The following SYT14 variants were observed in gnomAD, a reference collection of about 807,000 sequenced individuals.
SYT14 encodes the protein synaptotagmin-14.
In SYT14, 32 loss-of-function variants were observed where a neutral mutation model predicts 74.2. The observed-to-expected ratio is 0.43, with a 90% CI of 0.33 to 0.58. The LOEUF (loss-of-function observed/expected upper bound fraction) is 0.58. SYT14 is among the 20% of genes least tolerant of loss of function. The pLI is 0.05. For synonymous variants in SYT14, 298 were observed against 337.7 expected, an observed-to-expected ratio of 0.88 and a Z score of 1.29; for missense variants, 791 against 981.8, an observed-to-expected ratio of 0.81 and a Z score of 2.60.
chr1:209,958,797 T>G (rs1366234192), intron 2 of SYT14, among the ~76,000 whole-genome samples: 1 of 152,214 alleles, frequency 6.6e-6, no homozygotes, highest in Non-Finnish European at 1.5e-5. Flanking sequence ...CTTTTCTAGT[T>G]ATACTTTTTA....
intron 5 of SYT14, among the ~76,000 whole-genome samples, chr1:210,077,918 G>T (rs2102468868): frequency 6.6e-6 from 1 of 152,140 alleles, no homozygotes. Flanking sequence ...GACCAGAAAA[G>T]GTTTTATACT....
At chr1:210,086,963 T>C (rs2081746244) in intron 5 of SYT14, among the ~76,000 whole-genome samples, 1 of 152,198 alleles carries the variant, frequency 6.6e-6, no homozygotes, top group Non-Finnish European at 1.5e-5. Flanking sequence ...TCTGCACACA[T>C]GTTCTCCCAT....
chr1:209,994,065 A>T (rs1258470895), intron 2 of SYT14, among the ~76,000 whole-genome samples: 4 of 152,208 alleles, frequency 2.6e-5, no homozygotes, highest in Admixed American at 6.5e-5. Flanking sequence ...AGTCAGTGCT[A>T]GAACTCTGGC....
chr1:210,011,545 C>G (rs1160991976), intron 2 of SYT14, among the ~76,000 whole-genome samples: 1 of 152,172 alleles, frequency 6.6e-6, no homozygotes, highest in Non-Finnish European at 1.5e-5. Context: ...CTCTCTGCTT[C>G]ATCTCCTACT....
At chr1:209,984,505 T>A (rs551717495) in intron 2 of SYT14, among the ~76,000 whole-genome samples, 1 of 152,366 alleles carries the variant, frequency 6.6e-6, no homozygotes, top group East Asian at 1.9e-4. Flanking sequence ...CTTTTAAAAA[T>A]TTTTAAATAA....
At chr1:209,980,624 A>G (rs2079466256) in intron 2 of SYT14, among the ~76,000 whole-genome samples, 1 of 152,178 alleles carries the variant, frequency 6.6e-6, no homozygotes, top group Non-Finnish European at 1.5e-5. Flanking sequence ...TGATTTTTGT[A>G]TATGGTGTAA....
exon 6 of SYT14, chr1:210,094,353 C>T (rs1341116146): frequency 6.2e-7 from 1 of 1,613,848 alleles, no homozygotes; most frequent in Non-Finnish European, 8.5e-7. Context: ...GAAGAACACC[C>T]CCGCTGGATG....
intron 5 of SYT14, among the ~76,000 whole-genome samples, chr1:210,079,887 G>T (rs1558175353): frequency 6.6e-6 from 1 of 152,100 alleles, no homozygotes; most frequent in Non-Finnish European, 1.5e-5. Flanking sequence ...TTGTAATTTT[G>T]GACAATCTTC....
chr1:210,115,702 G>A (rs12092527), intron 7 of SYT14, among the ~76,000 whole-genome samples: 7,416 of 150,942 alleles, frequency 0.049, 1,040 homozygotes, highest in East Asian at 0.41. Context: ...CCACTTACCC[G>A]ATTTAAAATT....
At chr1:210,119,122 C>G (rs2082412047) in intron 7 of SYT14, among the ~76,000 whole-genome samples, 1 of 152,070 alleles carries the variant, frequency 6.6e-6, no homozygotes, top group African/African-American at 2.4e-5. Context: ...TATCAGCAAA[C>G]TACTAGTAAT....
chr1:210,118,923 T>A (rs1286741392), intron 7 of SYT14, among the ~76,000 whole-genome samples: 2 of 152,154 alleles, frequency 1.3e-5, no homozygotes. Flanking sequence ...ATTTTCCCCA[T>A]CATGCTAATC....
intron 2 of SYT14, among the ~76,000 whole-genome samples, chr1:210,005,340 G>A (rs12065575): frequency 6.6e-6 from 1 of 151,980 alleles, no homozygotes; most frequent in Non-Finnish European, 1.5e-5. Context: ...TGATGGGTTT[G>A]AACTAAATCT....
At chr1:210,159,552 G>A in intron 9 of SYT14, 75 bp downstream of exon 8, 1 of 1,302,072 alleles carries the variant, frequency 7.7e-7, no homozygotes, top group Non-Finnish European at 1.1e-6. Context: ...TGCCAGCAGT[G>A]AAGCTGTCCA....
intron 5 of SYT14, among the ~76,000 whole-genome samples, chr1:210,039,153 T>C (rs970661132): frequency 6.6e-6 from 1 of 152,032 alleles, no homozygotes; most frequent in African/African-American, 2.4e-5. Flanking sequence ...AAGACATATC[T>C]TCAAGCTCTG....
At chr1:210,043,372 A>C (rs1200936633) in intron 5 of SYT14, among the ~76,000 whole-genome samples, 13 of 151,914 alleles carry the variant, frequency 8.6e-5, no homozygotes, top group Non-Finnish European at 1.6e-4. Flanking sequence ...CCAGATAGAT[A>C]TATTTCTACT....
At chr1:209,983,615 G>C (rs544375326) in intron 2 of SYT14, among the ~76,000 whole-genome samples, 8 of 152,066 alleles carry the variant, frequency 5.3e-5, no homozygotes, top group African/African-American at 1.9e-4. Flanking sequence ...TTGTGTGTGT[G>C]TGTGTTTTTT....
chr1:209,956,221 A>T (rs2078989318), intron 2 of SYT14, among the ~76,000 whole-genome samples: 1 of 152,162 alleles, frequency 6.6e-6, no homozygotes, highest in Admixed American at 6.5e-5. Context: ...CTTCCCTAGG[A>T]AATAATTAGT....
At chr1:209,992,112 C>T (rs2102845973) in intron 2 of SYT14, among the ~76,000 whole-genome samples, 1 of 152,236 alleles carries the variant, frequency 6.6e-6, no homozygotes. Flanking sequence ...AAGTGTCTAC[C>T]AATAGATGAC....
intron 7 of SYT14, among the ~76,000 whole-genome samples, chr1:210,144,534 A>G (rs1447763627): frequency 4.0e-5 from 6 of 151,894 alleles, no homozygotes; most frequent in Admixed American, 3.9e-4. Flanking sequence ...TCATTTATAT[A>G]CTCGTATTGT....
Sources: gnomAD v4.1 joint callset for allele counts (sites outside exome capture counted in the v4.1 genomes callset) on GRCh38, gnomAD v4.1.1 for gene constraint, MANE v1.5 for transcripts, NCBI Gene and HGNC (gene_info 2026-07-23, HGNC 2026-07-21) for gene names.